Variants in STPG2 observed in about 807,000 individuals in gnomAD.
STPG2 encodes sperm-tail PG-rich repeat-containing protein 2.
STPG2 carries 56 observed loss-of-function variants against 54.2 expected under a neutral mutation model. The observed-to-expected ratio is 1.03, with a 90% CI of 0.83 to 1.29. The LOEUF (loss-of-function observed/expected upper bound fraction) is 1.29, where lower values mean the gene tolerates loss of function less well. Ranked by LOEUF, STPG2 falls within the 50% of genes most tolerant of loss-of-function variation. The pLI is 0.00. For synonymous variants in STPG2, 200 were observed against 181.8 expected (o/e 1.10, Z -0.81); for missense variants, 596 against 544.9 (o/e 1.09, Z -0.93).
At chr4:97,968,966 A>G (rs1049702176) in intron 7 of STPG2, among the ~76,000 whole-genome samples, 2 of 152,158 alleles carry the variant, frequency 1.3e-5, no homozygotes, top group Non-Finnish European at 2.9e-5. Context: ...CAAAAAAGCA[A>G]AGGTTCATAG....
At chr4:97,877,218 C>T (rs936128605) in intron 8 of STPG2, among the ~76,000 whole-genome samples, 1 of 152,176 alleles carries the variant, frequency 6.6e-6, no homozygotes, top group Non-Finnish European at 1.5e-5. Context: ...TCCCTTTTCT[C>T]AACCCTCTCC....
intron 9 of STPG2, among the ~76,000 whole-genome samples, chr4:97,784,467 G>C (rs1726760697): frequency 6.6e-6 from 1 of 151,786 alleles, no homozygotes; most frequent in African/African-American, 2.4e-5. Flanking sequence ...TATTGAATAT[G>C]GGAAAAAATC....
chr4:98,072,685 AC>A (rs2110109007), intron 5 of STPG2, among the ~76,000 whole-genome samples: 1 of 152,276 alleles, frequency 6.6e-6, no homozygotes, highest in East Asian at 1.9e-4. Context: ...TGTGCAGACA[AC>A]ATTTGACCCT....
chr4:98,024,624 C>T (rs1736354912), intron 5 of STPG2, among the ~76,000 whole-genome samples: 1 of 151,946 alleles, frequency 6.6e-6, no homozygotes, highest in African/African-American at 2.4e-5. Context: ...AAGAATAAAC[C>T]AAAGTATCTA....
chr4:97,883,778 T>C (rs1425594517), intron 8 of STPG2, among the ~76,000 whole-genome samples: 2 of 152,166 alleles, frequency 1.3e-5, no homozygotes, highest in Non-Finnish European at 2.9e-5. Context: ...CTAATACTCA[T>C]GTAATTGAAA....
chr4:97,599,349 A>T (rs1733392766), intron 10 of STPG2, among the ~76,000 whole-genome samples: 2 of 152,342 alleles, frequency 1.3e-5, no homozygotes, highest in South Asian at 4.1e-4. Flanking sequence ...GATTCCTCAA[A>T]GAACTTAGAA....
At chr4:97,474,186 G>A (rs1484437622) in intron 4 of STPG2, among the ~76,000 whole-genome samples, 1 of 151,922 alleles carries the variant, frequency 6.6e-6, no homozygotes, top group Non-Finnish European at 1.5e-5. Context: ...GTGGGAACTG[G>A]AGTTTATGGG....
At chr4:98,004,223 C>T (rs947958874) in intron 5 of STPG2, among the ~76,000 whole-genome samples, 4 of 152,140 alleles carry the variant, frequency 2.6e-5, no homozygotes, top group African/African-American at 9.7e-5. Flanking sequence ...TAATATTTCA[C>T]GTAAGTGAGA....
At chr4:97,460,627 A>G (rs755561811) in intron 4 of STPG2, among the ~76,000 whole-genome samples, 2 of 152,168 alleles carry the variant, frequency 1.3e-5, no homozygotes, top group Non-Finnish European at 2.9e-5. Context: ...AGCATAACAT[A>G]CATATAGAAA....
At chr4:97,884,694 A>G (rs1730499538) in intron 8 of STPG2, among the ~76,000 whole-genome samples, 1 of 152,190 alleles carries the variant, frequency 6.6e-6, no homozygotes, top group Non-Finnish European at 1.5e-5. Context: ...TGGGTAAAGA[A>G]AAAAAGAAGC....
At chr4:98,006,297 C>T (rs903661510) in intron 5 of STPG2, among the ~76,000 whole-genome samples, 2 of 152,152 alleles carry the variant, frequency 1.3e-5, no homozygotes, top group Non-Finnish European at 2.9e-5. Flanking sequence ...TGTGATTCAC[C>T]CTTCCACTGG....
chr4:97,471,176 C>G (rs887048787), intron 4 of STPG2, among the ~76,000 whole-genome samples: 1 of 152,090 alleles, frequency 6.6e-6, no homozygotes, highest in Non-Finnish European at 1.5e-5. Context: ...GAATTTACCA[C>G]TTAGTATATT....
intron 9 of STPG2, among the ~76,000 whole-genome samples, chr4:97,762,445 T>TA (rs1285845447): frequency 2.6e-5 from 4 of 152,156 alleles, no homozygotes; most frequent in African/African-American, 4.8e-5. Context: ...TGGGGACAGT[T>TA]AAAAGAATGA....
intron 10 of STPG2, among the ~76,000 whole-genome samples, chr4:97,684,543 A>G (rs1444941663): frequency 1.3e-5 from 2 of 151,952 alleles, no homozygotes; most frequent in Admixed American, 6.6e-5. Flanking sequence ...CACGCAAAAA[A>G]TAATAAGTAA....
chr4:97,963,597 G>A (rs1227208021), intron 7 of STPG2, among the ~76,000 whole-genome samples: 1 of 152,036 alleles, frequency 6.6e-6, no homozygotes, highest in Non-Finnish European at 1.5e-5. Context: ...CAAGGGTGCA[G>A]TGAGCCATAC....
chr4:97,716,904 G>C (rs1430952052), intron 9 of STPG2, among the ~76,000 whole-genome samples: 1 of 151,970 alleles, frequency 6.6e-6, no homozygotes, highest in Non-Finnish European at 1.5e-5. Flanking sequence ...TTAAAAATCA[G>C]TTAGGAAATT....
At chr4:97,952,280 A>T (rs1733501582) in intron 7 of STPG2, among the ~76,000 whole-genome samples, 1 of 152,056 alleles carries the variant, frequency 6.6e-6, no homozygotes, top group Admixed American at 6.6e-5. Flanking sequence ...ATGGGAGGAA[A>T]AAGAATTCCC....
intron 4 of STPG2, among the ~76,000 whole-genome samples, chr4:97,496,639 C>T (rs35241893): frequency 2.0e-5 from 3 of 151,574 alleles, no homozygotes; most frequent in African/African-American, 7.3e-5. Flanking sequence ...ACGTGTACCC[C>T]CTATGTTTGT....
At chr4:97,571,850 T>C (rs1414731156) in intron 10 of STPG2, among the ~76,000 whole-genome samples, 1 of 152,184 alleles carries the variant, frequency 6.6e-6, no homozygotes, top group East Asian at 1.9e-4. Flanking sequence ...ATATTTTAGT[T>C]TGACTCTTTT....
Sources: allele counts gnomAD v4.1 joint callset (sites outside exome capture counted in the v4.1 genomes callset), GRCh38; gene constraint gnomAD v4.1.1; transcripts MANE v1.5; gene names NCBI Gene and HGNC (gene_info 2026-07-23, HGNC 2026-07-21).